GOLM2: variants seen among roughly 807,000 people sequenced by gnomAD.
The protein encoded by GOLM2 is protein GOLM2.
A neutral mutation model predicts 55.9 loss-of-function variants in GOLM2; 26 were observed. The ratio of observed to expected loss-of-function variants is 0.47; its 90% CI spans 0.34 to 0.65. The LOEUF (loss-of-function observed/expected upper bound fraction) is 0.65. Among genes scored for constraint, GOLM2 ranks in the 30% least tolerant of loss-of-function variants. GOLM2 has a pLI of 0.01. For synonymous variants in GOLM2, 165 were observed against 194.6 expected (o/e 0.85, Z 1.27); for missense variants, 486 against 531.8 (o/e 0.91, Z 0.85).
chr15:44,326,279 A>AT (rs2078980228), intron 2 of GOLM2, among the ~76,000 whole-genome samples: 1 of 151,646 alleles, frequency 6.6e-6, no homozygotes, highest in East Asian at 1.9e-4. Context: ...AAAAAAAAAA[A>AT]AGAAAGAAAT....
intron 1 of GOLM2, among the ~76,000 whole-genome samples, chr15:44,294,453 G>A (rs988403302): frequency 2.6e-5 from 4 of 152,008 alleles, no homozygotes; most frequent in African/African-American, 7.2e-5. Context: ...GGTGGCTCAC[G>A]CCTGTAATCC....
chr15:44,387,832 C>T (rs1379856720), intron 8 of GOLM2, among the ~76,000 whole-genome samples: 1 of 151,164 alleles, frequency 6.6e-6, no homozygotes, highest in Admixed American at 6.6e-5. Flanking sequence ...CTTTATACAA[C>T]TTGACACAAA....
chr15:44,408,096 G>A (rs1440444279), intron 9 of GOLM2, among the ~76,000 whole-genome samples: 3 of 151,992 alleles, frequency 2.0e-5, no homozygotes, highest in Non-Finnish European at 1.5e-5. Context: ...ACTTCAGAGG[G>A]AATTTAGGAA....
intron 1 of GOLM2, among the ~76,000 whole-genome samples, chr15:44,305,923 A>G (rs945324732): frequency 4.6e-5 from 7 of 152,234 alleles, no homozygotes; most frequent in African/African-American, 1.7e-4. Context: ...TCAGTAAACC[A>G]TGCTGTAAAC....
intron 1 of GOLM2, among the ~76,000 whole-genome samples, chr15:44,312,320 T>C (rs978622135): frequency 3.3e-5 from 5 of 152,142 alleles, no homozygotes; most frequent in African/African-American, 1.2e-4. Flanking sequence ...ACACACCCTT[T>C]CCAACAGCTT....
intron 1 of GOLM2, among the ~76,000 whole-genome samples, chr15:44,313,319 T>G (rs187365213): frequency 6.6e-6 from 1 of 152,228 alleles, no homozygotes; most frequent in Admixed American, 6.5e-5. Context: ...ATTTTATCTC[T>G]GCATTTTCTG....
intron 6 of GOLM2, among the ~76,000 whole-genome samples, chr15:44,341,654 A>T (rs1595635987): frequency 6.6e-6 from 1 of 151,098 alleles, no homozygotes; most frequent in African/African-American, 2.4e-5. Flanking sequence ...TGCTTTCTTA[A>T]TAATAATTTT....
At chr15:44,384,195 T>C (rs1433182184) in intron 8 of GOLM2, among the ~76,000 whole-genome samples, 1 of 152,182 alleles carries the variant, frequency 6.6e-6, no homozygotes, top group African/African-American at 2.4e-5. Flanking sequence ...ACCACTCTAG[T>C]TCCAGAATAT....
chr15:44,321,533 A>G (rs1336737108), intron 1 of GOLM2, among the ~76,000 whole-genome samples: 1 of 151,784 alleles, frequency 6.6e-6, no homozygotes, highest in Non-Finnish European at 1.5e-5. Flanking sequence ...TGATAAAAGT[A>G]TTCTGCATCT....
At chr15:44,325,199 T>C (rs2078973486) in intron 2 of GOLM2, among the ~76,000 whole-genome samples, 1 of 152,178 alleles carries the variant, frequency 6.6e-6, no homozygotes, top group Non-Finnish European at 1.5e-5. Context: ...TTTCTGGTCT[T>C]CTTACTTTTC....
intron 6 of GOLM2, among the ~76,000 whole-genome samples, chr15:44,344,760 T>C (rs2079112235): frequency 6.6e-6 from 1 of 150,958 alleles, no homozygotes; most frequent in Admixed American, 6.6e-5. Context: ...GCAAAACTTA[T>C]TTATTTATTT....
chr15:44,395,255 G>T (rs891798204), intron 8 of GOLM2, among the ~76,000 whole-genome samples: 1 of 149,564 alleles, frequency 6.7e-6, no homozygotes. Context: ...TGATCCGCCC[G>T]CCTCAGCCTC....
intron 8 of GOLM2, among the ~76,000 whole-genome samples, chr15:44,386,032 T>C (rs1053017351): frequency 2.6e-5 from 4 of 152,234 alleles, no homozygotes; most frequent in South Asian, 2.1e-4. Flanking sequence ...CGAAAGTTTT[T>C]AATTTTGATG....
intron 6 of GOLM2, among the ~76,000 whole-genome samples, chr15:44,340,877 G>A (rs1359987418): frequency 6.6e-6 from 1 of 152,086 alleles, no homozygotes; most frequent in Non-Finnish European, 1.5e-5. Context: ...CATTGCGGTT[G>A]TGTATTTTAA....
At chr15:44,377,864 T>C (rs2079374742) in intron 6 of GOLM2, among the ~76,000 whole-genome samples, 1 of 151,354 alleles carries the variant, frequency 6.6e-6, no homozygotes, top group Admixed American at 6.6e-5. Flanking sequence ...TACAGTATAA[T>C]GTACAGAAAT....
chr15:44,365,684 G>A (rs985238505), intron 6 of GOLM2, among the ~76,000 whole-genome samples: 1 of 152,136 alleles, frequency 6.6e-6, no homozygotes, highest in Non-Finnish European at 1.5e-5. Context: ...AAGGGGATGG[G>A]GTAGAGAGAG....
intron 6 of GOLM2, among the ~76,000 whole-genome samples, chr15:44,373,216 G>A (rs1185052330): frequency 6.6e-6 from 1 of 152,178 alleles, no homozygotes; most frequent in Non-Finnish European, 1.5e-5. Flanking sequence ...CCAGCACTTT[G>A]GGAGGCCGAG....
intron 1 of GOLM2, among the ~76,000 whole-genome samples, chr15:44,306,117 C>G (rs1049210091): frequency 1.3e-5 from 2 of 152,186 alleles, no homozygotes; most frequent in Non-Finnish European, 2.9e-5. Flanking sequence ...CAGATATTGA[C>G]TTCTCTGCAG....
intron 6 of GOLM2, among the ~76,000 whole-genome samples, chr15:44,365,657 A>T (rs1335862469): frequency 6.6e-6 from 1 of 152,226 alleles, no homozygotes; most frequent in Non-Finnish European, 1.5e-5. Context: ...AAATGCAATT[A>T]AAAAATTAGT....
Sources: gnomAD v4.1 joint callset for allele counts (sites outside exome capture counted in the v4.1 genomes callset) on GRCh38, gnomAD v4.1.1 for gene constraint, MANE v1.5 for transcripts, NCBI Gene and HGNC (gene_info 2026-07-23, HGNC 2026-07-21) for gene names.